The following FNIP1 variants were observed in gnomAD, a reference collection of about 807,000 sequenced individuals.
The protein encoded by FNIP1 is folliculin interacting protein 1, also known as folliculin-interacting protein 1.
In FNIP1, 40 loss-of-function variants were observed where a neutral mutation model predicts 124.5. The observed-to-expected ratio is 0.32, with a 90% CI of 0.25 to 0.42. The LOEUF (loss-of-function observed/expected upper bound fraction) is 0.42. Among genes scored for constraint, FNIP1 ranks in the 10% least tolerant of loss-of-function variants. The probability of loss-of-function intolerance (pLI) is 1.00; values close to 1 mark genes in which losing one functional copy is unlikely to be tolerated. For synonymous variants in FNIP1, 472 were observed against 470.6 expected (o/e 1.00, Z -0.04); for missense variants, 1,176 against 1,403.7 (o/e 0.84, Z 2.59).
chr5:131,675,457 G>A (rs1242444341), intron 13 of FNIP1, among the ~76,000 whole-genome samples: 1 of 151,846 alleles, frequency 6.6e-6, no homozygotes, highest in Non-Finnish European at 1.5e-5. Context: ...AATTAAAAAA[G>A]GATTTAAATG....
intron 17 of FNIP1, among the ~76,000 whole-genome samples, chr5:131,644,997 G>T (rs951196704): frequency 6.6e-6 from 1 of 152,114 alleles, no homozygotes; most frequent in Non-Finnish European, 1.5e-5. Flanking sequence ...ATGAACTGGG[G>T]CATGGCACAA....
chr5:131,696,167 A>G (rs1257851207), intron 11 of FNIP1, among the ~76,000 whole-genome samples: 2 of 152,202 alleles, frequency 1.3e-5, no homozygotes, highest in African/African-American at 2.4e-5. Context: ...GAACTTCTAG[A>G]AACATACAAA....
At chr5:131,770,883 T>A (rs1191358548) in intron 1 of FNIP1, among the ~76,000 whole-genome samples, 1 of 152,234 alleles carries the variant, frequency 6.6e-6, no homozygotes, top group Non-Finnish European at 1.5e-5. Context: ...TTTGTTTGTA[T>A]GTGCACCAAA....
intron 7 of FNIP1, 93 bp downstream of exon 7, chr5:131,710,485 T>G: frequency 9.1e-7 from 1 of 1,104,318 alleles, no homozygotes; most frequent in South Asian, 1.6e-5. Context: ...CCTCACCAAC[T>G]GCATTCATCT....
chr5:131,658,734 G>A (rs1767287305), intron 15 of FNIP1, among the ~76,000 whole-genome samples: 2 of 151,884 alleles, frequency 1.3e-5, no homozygotes, highest in African/African-American at 4.8e-5. Flanking sequence ...GTGGCTTTCA[G>A]GGGGGCAAGG....
chr5:131,796,831 T>C lies in FNIP1; in HGVS notation c.91A>G (p.Ser31Gly). The change falls in exon 1 of 18, where the codon AGT becomes GGT. Residue 31 changes from serine to glycine, a missense_variant and splice_region_variant. Around this residue, in one of 2 missense-constraint regions of FNIP1, gnomAD observed 1,109 missense variants for 1,288.5 expected, o/e 0.86. Coordinates refer to ENST00000510461, the MANE Select transcript of FNIP1 (RefSeq NM_133372.3). ...GACCCCCGCCCCACAGCGCCCTACC[T>C]GAACCCGCAATCTGGGTCCCGGGCG... is the stretch of plus-strand genomic sequence containing the variant. ...RDARDPDCGF[S>G]WPLPEFDPSQ... The C allele has an allele frequency of 6.3e-7, 1 of 1,584,332 alleles. No homozygotes were observed. The highest frequency in any genetic ancestry group is 8.6e-7 in the Non-Finnish European group (1 of 1,165,892).
At chr5:131,725,007 T>C (rs1047994996) in intron 3 of FNIP1, among the ~76,000 whole-genome samples, 3 of 152,156 alleles carry the variant, frequency 2.0e-5, no homozygotes, top group African/African-American at 2.4e-5. Flanking sequence ...GATCAGATGG[T>C]TGTTGATGTG....
chr5:131,710,709 A>C, intron 6 of FNIP1, 48 bp from the exon 7 acceptor site: 1 of 1,544,712 alleles, frequency 6.5e-7, no homozygotes, highest in Non-Finnish European at 8.9e-7. Flanking sequence ...CTGTTAGAGA[A>C]GCCACAATGC....
At chr5:131,782,185 A>T (rs1426678352) in intron 1 of FNIP1, among the ~76,000 whole-genome samples, 2 of 152,038 alleles carry the variant, frequency 1.3e-5, no homozygotes, top group Non-Finnish European at 2.9e-5. Flanking sequence ...AGGAAAAGAA[A>T]TACATTCTGT....
chr5:131,783,211 G>A (rs1282140880), intron 1 of FNIP1, among the ~76,000 whole-genome samples: 1 of 152,120 alleles, frequency 6.6e-6, no homozygotes, highest in Non-Finnish European at 1.5e-5. Flanking sequence ...CAGAACAGGT[G>A]TATTCTCTTC....
chr5:131,711,750 C>A (rs563020443), intron 6 of FNIP1, among the ~76,000 whole-genome samples: 2 of 152,194 alleles, frequency 1.3e-5, no homozygotes, highest in Non-Finnish European at 2.9e-5. Context: ...CCTGCTTTGG[C>A]CTCCTAAAGT....
intron 6 of FNIP1, 23 bp downstream of exon 6, chr5:131,716,542 A>C: frequency 6.6e-7 from 1 of 1,508,862 alleles, no homozygotes; most frequent in South Asian, 1.2e-5. Flanking sequence ...TTTTAAACTT[A>C]TAAAATCAAA....
At chr5:131,744,406 T>C (rs1770605254) in intron 2 of FNIP1, among the ~76,000 whole-genome samples, 158 bp downstream of exon 2, 1 of 152,094 alleles carries the variant, frequency 6.6e-6, no homozygotes, top group African/African-American at 2.4e-5. Context: ...CCTCAGCTAT[T>C]CAAATCAAAA....
rs11292297 is a variant in FNIP1, at chr5:131,665,899, C to CT, written c.3108+4563dup. ...CCACAGCGCTTGGCCTAAAATAATA[C>CT]TTTTTTTTTTTTTTTTTTTTGAGAC... On this transcript the variant is annotated intron_variant, in intron 15 of 17. Transcript: ENST00000510461. Among the ~76,000 whole-genome samples the CT allele has an allele frequency of 6.7e-3, 825 of 122,928 alleles. 10 individuals are homozygous for CT. The highest frequency in any genetic ancestry group is 0.011 in the East Asian group (53 of 4,610). 80.6% of individuals were successfully genotyped at this position (122,928 alleles called of 152,430 possible).
intron 1 of FNIP1, among the ~76,000 whole-genome samples, chr5:131,794,518 A>G (rs1772513642): frequency 6.6e-6 from 1 of 152,202 alleles, no homozygotes; most frequent in Admixed American, 6.5e-5. Flanking sequence ...TTTATACACA[A>G]ACATTAACAG....
rs142391857 is a variant in FNIP1, at chr5:131,672,758, G to A, written c.1686C>T (p.Ile562=). ...HLLENGEDEA[I]VMPGTVITTT... ...TAGTAATTACTGTGCCTGGCATAACGATGGCTTCATCTTCTCCATTTTCTA... is the reference window on the plus strand; with the variant it reads ...TAGTAATTACTGTGCCTGGCATAACAATGGCTTCATCTTCTCCATTTTCTA... The change falls in exon 14 of 18, where the codon ATC becomes ATT. Residue 562 remains isoleucine, a synonymous_variant. Transcript: ENST00000510461. 4.3e-6 allele frequency: 7 copies of A among 1,613,362 alleles called. No individual in the cohort carries two copies. The highest frequency in any genetic ancestry group is 2.2e-5 in the East Asian group (1 of 44,880).
intron 1 of FNIP1, among the ~76,000 whole-genome samples, chr5:131,790,308 G>GT (rs930124943): frequency 7.2e-5 from 11 of 151,796 alleles, no homozygotes; most frequent in African/African-American, 2.4e-4. Flanking sequence ...GCGAAACCCC[G>GT]TGTCTACAAA....
intron 5 of FNIP1, among the ~76,000 whole-genome samples, chr5:131,716,955 G>A (rs1769486266): frequency 6.6e-6 from 1 of 151,508 alleles, no homozygotes; most frequent in Admixed American, 6.6e-5. Context: ...ACAACCCATT[G>A]TCTGGCTCAC....
At position 131,643,771 on chromosome 5, in the gene FNIP1, T is replaced by C. The variant is rs1309601662; in HGVS notation, c.*914A>G. 6.5e-6 allele frequency: 1 copy of C among 152,794 alleles called. No homozygotes were observed. 9.5% of individuals were successfully genotyped at this position (152,794 alleles called of 1,614,324 possible). Reference sequence around the variant, plus strand: ...ACCAAAAGCAAGGGCCTTGGCTACCTGAGCACTTTTAAAGAATATAGTATT... The same window carrying C: ...ACCAAAAGCAAGGGCCTTGGCTACCCGAGCACTTTTAAAGAATATAGTATT... On this transcript the variant is annotated 3_prime_UTR_variant, in exon 18 of 18. Coordinates refer to ENST00000510461, the MANE Select transcript of FNIP1 (RefSeq NM_133372.3).
Sources: allele counts gnomAD v4.1 joint callset (sites outside exome capture counted in the v4.1 genomes callset), GRCh38; gene constraint gnomAD v4.1.1; regional missense constraint gnomAD v4.1.1; transcripts MANE v1.5; gene names NCBI Gene and HGNC (gene_info 2026-07-23, HGNC 2026-07-21).